Variants in TMEM132C observed in about 807,000 individuals in gnomAD.
TMEM132C encodes protein phosphatase 1, regulatory subunit 152.
TMEM132C carries 29 observed loss-of-function variants against 61.4 expected under a neutral mutation model. That is an observed-to-expected ratio of 0.47 (90% CI 0.35 to 0.64). The LOEUF is 0.64. TMEM132C is among the 30% of genes least tolerant of loss of function. The pLI is 0.00. For missense variants in TMEM132C, 1,408 were observed against 1,476.9 expected (o/e 0.95, Z 0.76); for synonymous variants, 656 against 633.1 (o/e 1.04, Z -0.54).
chr12:128,323,036 C>T (rs1452436634), intron 1 of TMEM132C, among the ~76,000 whole-genome samples: 2 of 152,186 alleles, frequency 1.3e-5, no homozygotes, highest in Non-Finnish European at 2.9e-5. Flanking sequence ...GGTCTCTGCT[C>T]CTGTGTGTGT....
chr12:128,270,345 C>T (rs1185518195), intron 1 of TMEM132C, among the ~76,000 whole-genome samples: 4 of 152,116 alleles, frequency 2.6e-5, no homozygotes, highest in African/African-American at 9.7e-5. Flanking sequence ...TGGTATGGCA[C>T]CCTTAGTCTG....
At chr12:128,560,323 G>A (rs534922744) in intron 3 of TMEM132C, among the ~76,000 whole-genome samples, 1 of 152,252 alleles carries the variant, frequency 6.6e-6, no homozygotes, top group Non-Finnish European at 1.5e-5. Flanking sequence ...GTTGTGGCCT[G>A]CAAGATCCTG....
chr12:128,697,251 C>G lies in TMEM132C; in HGVS notation c.1957C>G (p.Leu653Val). Residue 653 changes from leucine to valine, a missense_variant, in exon 8 of 9, where the codon CTG becomes GTG. Physicochemically the swap from Leu to Val is conservative, Grantham distance 32 (BLOSUM62 1). Coordinates refer to ENST00000435159, the MANE Select transcript of TMEM132C (RefSeq NM_001136103.3). ...GTTGTCTCCACTGTCTGACTCCATC[C>G]TGGCAGAGAAGACAATAACCGTGCT... The part of the protein sequence containing the change: ...QVLSPLSDSI[L>V]AEKTITVLDD... The G allele has an allele frequency of 6.5e-7, 1 of 1,532,582 alleles. No homozygotes were observed. Among genetic ancestry groups the G allele is most frequent in the Non-Finnish European group, 8.8e-7 (1 of 1,131,668 alleles). 94.9% of individuals were successfully genotyped at this position (1,532,582 alleles called of 1,614,324 possible).
intron 2 of TMEM132C, among the ~76,000 whole-genome samples, chr12:128,466,811 C>T (rs1318309431): frequency 6.6e-6 from 1 of 152,212 alleles, no homozygotes; most frequent in Admixed American, 6.5e-5. Flanking sequence ...AGCCACCGCA[C>T]CTGGCCAGGT....
Position 128,705,785 on chromosome 12 carries a change from C to A in TMEM132C, c.2817C>A (p.Leu939=). ...TGGGGGTGTTCTGCCTGGCCATCCTCGTCTTCCTGATCAACTGCGCCACCT... is the reference window on the plus strand; with the variant it reads ...TGGGGGTGTTCTGCCTGGCCATCCTAGTCTTCCTGATCAACTGCGCCACCT... ...ALLGVFCLAI[L]VFLINCATFA... is the part of the protein sequence containing the mutation. Residue 939 remains leucine (L), a synonymous_variant, in exon 9 of 9, where the codon CTC becomes CTA. Transcript: ENST00000435159. 1 of 1,551,614 alleles carries A rather than the reference C, an allele frequency of 6.4e-7. No individual in the cohort carries two copies. Among genetic ancestry groups the A allele is most frequent in the Non-Finnish European group, 8.7e-7 (1 of 1,147,046 alleles).
chr12:128,387,680 G>A (rs1271499495), intron 1 of TMEM132C, among the ~76,000 whole-genome samples: 1 of 152,014 alleles, frequency 6.6e-6, no homozygotes, highest in Admixed American at 6.6e-5. Flanking sequence ...CATGGTGGTG[G>A]GGGCCTGTAA....
intron 4 of TMEM132C, among the ~76,000 whole-genome samples, chr12:128,644,822 T>A (rs1238289822): frequency 6.6e-6 from 1 of 152,204 alleles, no homozygotes; most frequent in Non-Finnish European, 1.5e-5. Context: ...GTCAGGTGTG[T>A]GAGCTGCAGC....
intron 1 of TMEM132C, among the ~76,000 whole-genome samples, chr12:128,378,146 G>A (rs1465237157): frequency 1.3e-5 from 2 of 149,798 alleles, no homozygotes; most frequent in Admixed American, 6.7e-5. Flanking sequence ...ATGGAGTCTC[G>A]CTCTGTCGCC....
At chr12:128,669,378 T>C in intron 4 of TMEM132C, 39 bp from the exon 5 acceptor site, 1 of 1,548,704 alleles carries the variant, frequency 6.5e-7, no homozygotes. Flanking sequence ...CAGAATGGAA[T>C]ATCTCCCTTG....
At position 128,345,184 on chromosome 12, in the gene TMEM132C, G is replaced by A. The variant is rs1055941011; in HGVS notation, c.86-69548G>A. Reference sequence around the variant, plus strand: ...TGTTTGTCTGTTCCTGCATTAACTTGCTAAGGATAATGGCCTCTAGCTCCA... The same window carrying A: ...TGTTTGTCTGTTCCTGCATTAACTTACTAAGGATAATGGCCTCTAGCTCCA... On this transcript the variant is annotated intron_variant, in intron 1 of 8. Transcript: ENST00000435159. 4.1e-4 allele frequency among the ~76,000 whole-genome samples: 62 copies of A among 151,976 alleles called. 1 individual carries two copies. The highest frequency in any genetic ancestry group is 5.9e-5 in the Non-Finnish European group (4 of 68,012).
At chr12:128,604,237 G>A (rs1411126418) in intron 3 of TMEM132C, among the ~76,000 whole-genome samples, 3 of 152,236 alleles carry the variant, frequency 2.0e-5, no homozygotes, top group South Asian at 4.1e-4. Flanking sequence ...GAATAGATTG[G>A]ATGGATGGAT....
At chr12:128,475,348 G>A (rs779069954) in intron 2 of TMEM132C, among the ~76,000 whole-genome samples, 3 of 151,898 alleles carry the variant, frequency 2.0e-5, no homozygotes, top group Non-Finnish European at 4.4e-5. Flanking sequence ...AAAATGTCCC[G>A]AATAATCAAG....
chr12:128,414,894 C>A lies in TMEM132C; in HGVS notation c.248C>A (p.Ser83Tyr). The change falls in exon 2 of 9, where the codon TCC becomes TAC. Residue 83 changes from serine to tyrosine, a missense_variant. Ser to Tyr is a moderately radical substitution (Grantham distance 144). Transcript: ENST00000435159. ...TCCAGCCTGCAGGCGAGGGTGGAGT[C>A]CTTCTTTACCTACAAAACCAGGCAG... ...RNSSLQARVE[S>Y]FFTYKTRQPP... 3 of 1,551,812 alleles carry A rather than the reference C, an allele frequency of 1.9e-6. No homozygotes were observed. The highest frequency in any genetic ancestry group is 2.6e-6 in the Non-Finnish European group (3 of 1,147,106).
At chr12:128,651,449 A>C (rs1156604418) in intron 4 of TMEM132C, among the ~76,000 whole-genome samples, 1 of 152,162 alleles carries the variant, frequency 6.6e-6, no homozygotes, top group East Asian at 1.9e-4. Context: ...CGTGCCCTCA[A>C]ATTGCCTTCT....
chr12:128,552,745 A>G (rs1285339614), intron 3 of TMEM132C, among the ~76,000 whole-genome samples: 1 of 152,076 alleles, frequency 6.6e-6, no homozygotes, highest in Non-Finnish European at 1.5e-5. Flanking sequence ...TGCCTCTACT[A>G]AAAATACAAA....
chr12:128,544,175 CTTG>C, intron 3 of TMEM132C, 72 bp downstream of exon 3: 1 of 1,437,450 alleles, frequency 7.0e-7, no homozygotes, highest in Non-Finnish European at 9.1e-7. Flanking sequence ...GCGTAAGAGC[CTTG>C]ACTTGGACTC....
In TMEM132C at chr12:128,411,903, T is replaced by A. The variant is rs1309791990; in HGVS notation, c.86-2829T>A. ...GTCCCTTTCTATATTTGTAACCCCT[T>A]CCCTTACGGTGAGACACCAGGCTCC... On this transcript the variant is annotated intron_variant, in intron 1 of 8. Coordinates refer to ENST00000435159, the MANE Select transcript of TMEM132C (RefSeq NM_001136103.3). Among the ~76,000 whole-genome samples the A allele has an allele frequency of 2.0e-5, 3 of 152,220 alleles. No individual in the cohort carries two copies. In the East Asian group the frequency reaches 5.8e-4, roughly 29 times the overall value.
intron 2 of TMEM132C, among the ~76,000 whole-genome samples, chr12:128,462,937 A>G (rs1321622669): frequency 1.3e-5 from 2 of 152,184 alleles, no homozygotes; most frequent in Admixed American, 6.5e-5. Context: ...ACCTGGAGGT[A>G]TGTAGCCCCA....
chr12:128,639,296 A>G (rs1314304258), intron 4 of TMEM132C, among the ~76,000 whole-genome samples: 3 of 148,816 alleles, frequency 2.0e-5, no homozygotes, highest in Admixed American at 6.7e-5. Flanking sequence ...AATGGTGATG[A>G]TGATGATGGT....
Sources: allele counts gnomAD v4.1 joint callset (sites outside exome capture counted in the v4.1 genomes callset), GRCh38; gene constraint gnomAD v4.1.1; transcripts MANE v1.5; gene names NCBI Gene and HGNC (gene_info 2026-07-23, HGNC 2026-07-21).